Variants in PHF3 observed in about 807,000 individuals in gnomAD.
PHF3 encodes PHD finger protein 3.
A neutral mutation model predicts 178.4 loss-of-function variants in PHF3; 41 were observed. The observed-to-expected ratio is 0.23, with a 90% CI of 0.18 to 0.30. PHF3 has a LOEUF of 0.30. PHF3 is among the 10% of genes least tolerant of loss of function. The pLI is 1.00. For missense variants in PHF3, 2,346 were observed against 2,398.1 expected (o/e 0.98, Z 0.45); for synonymous variants, 842 against 800.5 (o/e 1.05, Z -0.88).
chr6:63,712,839 G>A lies in PHF3; in HGVS notation c.5251G>A (p.Val1751Met). The A allele has an allele frequency of 6.2e-7, 1 of 1,613,990 alleles. No homozygotes were observed. Among genetic ancestry groups the A allele is most frequent in the East Asian group, 2.2e-5 (1 of 44,858 alleles). ...TATTTTAATGCAAAATATTGAAACT[G>A]TGCACCCATTTCGAAGAGGATCAGC... ...EDILMQNIET[V>M]HPFRRGSAVA... Residue 1751 changes from valine (V) to methionine (M), a missense_variant, in exon 16 of 16, where the codon GTG becomes ATG. Transcript: ENST00000262043.
At position 63,718,780 on chromosome 6, in the gene PHF3, T is replaced by G. The variant is rs1047473242; in HGVS notation, c.*5072T>G. Among the ~76,000 whole-genome samples the G allele has an allele frequency of 2.0e-5, 3 of 152,048 alleles. No individual in the cohort carries two copies. Among genetic ancestry groups the G allele is most frequent in the African/African-American group, 7.2e-5 (3 of 41,438 alleles). On this transcript the variant is annotated 3_prime_UTR_variant, in exon 16 of 16. Transcript: ENST00000262043. ...TTATGAGAGAACACATGGCCGAATA[T>G]GATGGGAGTGTGGTTCAGGCAGTTT...
At position 63,685,805 on chromosome 6, in the gene PHF3, G is replaced by T. The variant is rs1320307595; in HGVS notation, c.2083G>T (p.Ala695Ser). 20 of 1,613,798 alleles carry T rather than the reference G, an allele frequency of 1.2e-5. No homozygotes were observed. Among genetic ancestry groups the T allele is most frequent in the Non-Finnish European group, 1.7e-5 (20 of 1,180,002 alleles). Residue 695 changes from alanine (A) to serine (S), a missense_variant, in exon 4 of 16, where the codon GCT becomes TCT. Physicochemically the swap from Ala to Ser is moderately conservative, Grantham distance 99 (BLOSUM62 1). This residue lies in a region of PHF3 where 72 missense variants were observed against 110.5 expected (regional missense o/e 0.65). Coordinates refer to ENST00000262043, the MANE Select transcript of PHF3 (RefSeq NM_001370348.2). ...EPPLFIPDNI[A>S]TIRREGSDHS... ...ACCATTGTTCATTCCAGATAACATAGCTACCATAAGAAGAGAAGGCTCTGA... is the reference window on the plus strand; with the variant it reads ...ACCATTGTTCATTCCAGATAACATATCTACCATAAGAAGAGAAGGCTCTGA...
At chr6:63,702,694 T>A in intron 10 of PHF3, 55 bp downstream of exon 10, 1 of 1,502,138 alleles carries the variant, frequency 6.7e-7, no homozygotes, top group South Asian at 1.3e-5. Flanking sequence ...TCAGAAAAGG[T>A]TTATTTGCCT....
rs577814731 is a variant in PHF3 at position 63,710,267 on chromosome 6, A to G, written c.3802-900A>G. ...TTGAGAATCACTCTTGAATCCACAC[A>G]TATATTACTGCCCAACACTTTATAG... On this transcript the variant is annotated intron_variant, in intron 14 of 15. Transcript: ENST00000262043. 7.9e-5 allele frequency among the ~76,000 whole-genome samples: 12 copies of G among 152,358 alleles called. No homozygotes were observed. In the South Asian group the frequency reaches 2.3e-3, roughly 29 times the overall value.
At chr6:63,649,681 G>A (rs1764942126) in intron 2 of PHF3, among the ~76,000 whole-genome samples, 1 of 152,184 alleles carries the variant, frequency 6.6e-6, no homozygotes, top group Non-Finnish European at 1.5e-5. Context: ...CACAAAAGTT[G>A]GGATGCCAGT....
chr6:63,721,202 C>T lies in PHF3; in HGVS notation c.*7494C>T, dbSNP rs1768371329. 6.4e-7 allele frequency: 1 copy of T among 1,551,582 alleles called. No individual in the cohort carries two copies. Among genetic ancestry groups the T allele is most frequent in the East Asian group, 2.4e-5 (1 of 40,912 alleles). On this transcript the variant is annotated 3_prime_UTR_variant, in exon 16 of 16. Transcript: ENST00000262043. ...TTTTGTTTTCACAATACCTTCCCAC[C>T]CAACCCAAAGTACACAGGCAACTGT...
In PHF3 at chr6:63,717,200, A is replaced by G. The variant is rs1349411143; in HGVS notation, c.*3492A>G. Among the ~76,000 whole-genome samples the G allele has an allele frequency of 6.6e-6, 1 of 152,112 alleles. No homozygotes were observed. Among genetic ancestry groups the G allele is most frequent in the Non-Finnish European group, 1.5e-5 (1 of 67,994 alleles). On this transcript the variant is annotated 3_prime_UTR_variant, in exon 16 of 16. Transcript: ENST00000262043. ...GTGTGTTAACATAAAACTACCCGTC[A>G]ACAGGTAACTTTACTCTGTTGTTCC... is the stretch of plus-strand genomic sequence containing the variant.
chr6:63,698,595 C>T lies in PHF3; in HGVS notation c.2972C>T (p.Pro991Leu). 1.3e-6 allele frequency: 2 copies of T among 1,567,276 alleles called. No individual in the cohort carries two copies. Among genetic ancestry groups the T allele is most frequent in the Admixed American group, 2.0e-5 (1 of 50,260 alleles). ...YRSLMFNLKD[P>L]KNNILFKKVL... ...AGTTTGATGTTTAATTTGAAAGATC[C>T]TAAAAACAATGTAAGTATGCTTTGT... is the stretch of plus-strand genomic sequence containing the variant. The change falls in exon 8 of 16, where the codon CCT becomes CTT. Residue 991 changes from proline (P) to leucine (L), a missense_variant. Physicochemically the swap from Pro to Leu is moderately conservative, Grantham distance 98. This residue lies in a region of PHF3 where 45 missense variants were observed against 87.9 expected (regional missense o/e 0.51). Coordinates refer to ENST00000262043, the MANE Select transcript of PHF3 (RefSeq NM_001370348.2).
At chr6:63,677,556 T>TA (rs1766223787) in intron 2 of PHF3, among the ~76,000 whole-genome samples, 3 of 152,222 alleles carry the variant, frequency 2.0e-5, no homozygotes, top group Admixed American at 2.0e-4. Context: ...TGCTTTGTAA[T>TA]ACAGCTCTAA....
At chr6:63,686,491 A>G (rs1240336856) in intron 4 of PHF3, among the ~76,000 whole-genome samples, 1 of 152,112 alleles carries the variant, frequency 6.6e-6, no homozygotes, top group Non-Finnish European at 1.5e-5. Flanking sequence ...CTTTTTTTGA[A>G]TGTTTTAAAT....
chr6:63,723,865 A>C lies in PHF3; in HGVS notation c.*10157A>C, dbSNP rs1338335255. On this transcript the variant is annotated 3_prime_UTR_variant, in exon 16 of 16. Transcript: ENST00000262043. ...AGACCAGAGTCCTGCTCTGTCCCCC[A>C]AGCTGGAGTGCAATGGTGCAATCTC... is the stretch of plus-strand genomic sequence containing the variant. Among the ~76,000 whole-genome samples the C allele has an allele frequency of 6.6e-6, 1 of 150,828 alleles. No individual in the cohort carries two copies. The highest frequency in any genetic ancestry group is 2.4e-5 in the African/African-American group (1 of 41,054).
intron 8 of PHF3, 73 bp from the exon 9 acceptor site, chr6:63,700,277 A>C: frequency 3.2e-6 from 2 of 616,230 alleles, no homozygotes; most frequent in East Asian, 5.5e-5. Flanking sequence ...TTGTATCTTT[A>C]TTATAAATTT....
At position 63,713,633 on chromosome 6, in the gene PHF3, CAG is replaced by C. The variant is rs746196431; in HGVS notation, c.6049_6050del (p.Glu2017ArgfsTer7). The C allele has an allele frequency of 1.1e-5, 17 of 1,612,240 alleles. No individual in the cohort carries two copies. The highest frequency in any genetic ancestry group is 2.7e-5 in the African/African-American group (2 of 74,686). Reference protein sequence around the residue: ...KDKEREKSKHREGEKDRDRYH... With the variant: ...KDKEREKSKHXEGEKDRDRYH... Reference sequence around the variant, plus strand: ...ACAAAGAACGAGAGAAAAGTAAACACAGAGAAGGAGAAAAGGACAGGGATAGG... The same window carrying C: ...ACAAAGAACGAGAGAAAAGTAAACACAGAAGGAGAAAAGGACAGGGATAGG... On this transcript the variant is annotated frameshift_variant, in exon 16 of 16. Coordinates refer to ENST00000262043, the MANE Select transcript of PHF3 (RefSeq NM_001370348.2). LOFTEE classifies it high-confidence loss of function.
At chr6:63,694,219 A>G (rs933416830) in intron 5 of PHF3, among the ~76,000 whole-genome samples, 17 of 152,218 alleles carry the variant, frequency 1.1e-4, no homozygotes, top group East Asian at 1.9e-4. Flanking sequence ...CAATAGGCAT[A>G]CTGAGAACTT....
chr6:63,697,140 G>T (rs1767264637), intron 6 of PHF3, among the ~76,000 whole-genome samples: 1 of 152,152 alleles, frequency 6.6e-6, no homozygotes, highest in Non-Finnish European at 1.5e-5. Flanking sequence ...GACAAGAGGG[G>T]ATGGGATTCA....
chr6:63,657,948 G>T (rs1765306450), intron 2 of PHF3, among the ~76,000 whole-genome samples: 1 of 152,182 alleles, frequency 6.6e-6, no homozygotes, highest in Non-Finnish European at 1.5e-5. Flanking sequence ...GAACCAGGGT[G>T]AGAAGTACCT....
intron 2 of PHF3, among the ~76,000 whole-genome samples, chr6:63,670,180 T>A (rs1332629668): frequency 2.0e-5 from 3 of 152,234 alleles, no homozygotes; most frequent in Non-Finnish European, 2.9e-5. Context: ...TTCCTTCTCA[T>A]CTGTGCTTTC....
chr6:63,670,097 A>T (rs1171299924), intron 2 of PHF3, among the ~76,000 whole-genome samples: 2 of 152,160 alleles, frequency 1.3e-5, no homozygotes, highest in Non-Finnish European at 2.9e-5. Flanking sequence ...ACACCCTGAA[A>T]AATGCTACTA....
At chr6:63,711,398 A>G (rs1767921138) in intron 15 of PHF3, 36 bp downstream of exon 15, 2 of 1,516,286 alleles carry the variant, frequency 1.3e-6, no homozygotes, top group Non-Finnish European at 1.8e-6. Flanking sequence ...TAAGAATGAA[A>G]TAACATGGGA....
Sources: gnomAD v4.1 joint callset for allele counts (sites outside exome capture counted in the v4.1 genomes callset) on GRCh38, gnomAD v4.1.1 for gene constraint, gnomAD v4.1.1 regional missense constraint, MANE v1.5 for transcripts, NCBI Gene and HGNC (gene_info 2026-07-23, HGNC 2026-07-21) for gene names.